RANBP2: variants seen among roughly 807,000 people sequenced by gnomAD.
The protein encoded by RANBP2 is RAN binding protein 2, also known as E3 SUMO-protein ligase RanBP2.
RANBP2 carries 57 observed loss-of-function variants against 303.6 expected under a neutral mutation model. The observed-to-expected ratio is 0.19, with a 90% CI of 0.15 to 0.23. RANBP2 has a LOEUF of 0.23. Among genes scored for constraint, RANBP2 ranks in the 10% least tolerant of loss-of-function variants. The probability of loss-of-function intolerance (pLI) is 1.00; values close to 1 mark genes in which losing one functional copy is unlikely to be tolerated. For missense variants in RANBP2, 3,138 were observed against 3,780.8 expected, an observed-to-expected ratio of 0.83 and a Z score of 4.46; for synonymous variants, 1,167 against 1,301.5, an observed-to-expected ratio of 0.90 and a Z score of 2.23.
At chr2:109,018,813 C>T in the RANBP2 span, among the ~76,000 whole-genome samples, 1 of 152,370 alleles carries the variant, frequency 6.6e-6, no homozygotes, top group East Asian at 1.9e-4. Context: ...TACAGCAACA[C>T]TTGTCCTACA....
chr2:109,054,036 A>G, the RANBP2 span, among the ~76,000 whole-genome samples: 1 of 152,120 alleles, frequency 6.6e-6, no homozygotes, highest in Non-Finnish European at 1.5e-5. Flanking sequence ...GGCGGAGGCC[A>G]CTGTACTACC....
chr2:109,455,703 C>A, the RANBP2 span, among the ~76,000 whole-genome samples: 1 of 152,198 alleles, frequency 6.6e-6, no homozygotes, highest in East Asian at 1.9e-4. Flanking sequence ...AGTGGAGGCA[C>A]CCTGCAATAG....
the RANBP2 span, among the ~76,000 whole-genome samples, chr2:109,327,573 A>G: frequency 6.6e-6 from 1 of 152,204 alleles, no homozygotes. Context: ...GTTGGGAGAA[A>G]ATTACAGCTT....
At chr2:109,568,679 CA>C in the RANBP2 span, among the ~76,000 whole-genome samples, 2 of 142,344 alleles carry the variant, frequency 1.4e-5, no homozygotes, top group Non-Finnish European at 3.1e-5. Context: ...TGCCTCAATT[CA>C]CTAAGAATTT....
At chr2:109,111,611 GT>G in the RANBP2 span, among the ~76,000 whole-genome samples, 16 of 147,508 alleles carry the variant, frequency 1.1e-4, no homozygotes, top group African/African-American at 3.0e-4. Context: ...TTTTTTTTAG[GT>G]TTTTTTTAAT....
At chr2:108,926,493 A>G in the RANBP2 span, among the ~76,000 whole-genome samples, 1 of 152,056 alleles carries the variant, frequency 6.6e-6, no homozygotes, top group Non-Finnish European at 1.5e-5. Flanking sequence ...CCAGATGTTC[A>G]TTTTCCTCCA....
chr2:109,499,842 G>A, the RANBP2 span, among the ~76,000 whole-genome samples: 3 of 152,266 alleles, frequency 2.0e-5, no homozygotes, highest in African/African-American at 7.2e-5. Flanking sequence ...GGTTTTAATC[G>A]GCAACATAAC....
the RANBP2 span, among the ~76,000 whole-genome samples, chr2:109,061,680 C>T: frequency 1.3e-5 from 2 of 152,052 alleles, no homozygotes; most frequent in African/African-American, 4.8e-5. Context: ...TCATAGTAGC[C>T]TTGGATGTTG....
At chr2:109,619,398 G>A in the RANBP2 span, among the ~76,000 whole-genome samples, 1 of 152,214 alleles carries the variant, frequency 6.6e-6, no homozygotes, top group South Asian at 2.1e-4. Flanking sequence ...ACCCAGGGCT[G>A]ACTTCAAGAC....
chr2:109,324,054 C>A, the RANBP2 span, among the ~76,000 whole-genome samples: 30 of 152,186 alleles, frequency 2.0e-4, no homozygotes, highest in African/African-American at 7.2e-4. Flanking sequence ...TGAATGGAAG[C>A]AGATAATATG....
the RANBP2 span, among the ~76,000 whole-genome samples, chr2:109,306,246 G>A: frequency 6.6e-6 from 1 of 152,228 alleles, no homozygotes. Context: ...GGAAGTGTCA[G>A]CAGTGGGGCC....
At chr2:109,651,913 A>G in the RANBP2 span, among the ~76,000 whole-genome samples, 1 of 152,202 alleles carries the variant, frequency 6.6e-6, no homozygotes, top group Non-Finnish European at 1.5e-5. Flanking sequence ...TGGCCCTAGC[A>G]ATGAGATGAA....
chr2:108,982,792 G>A, the RANBP2 span, among the ~76,000 whole-genome samples: 1 of 152,222 alleles, frequency 6.6e-6, no homozygotes, highest in African/African-American at 2.4e-5. Context: ...CTTTGGTTAC[G>A]TCTGCCCGTA....
At chr2:109,322,015 A>G in the RANBP2 span, among the ~76,000 whole-genome samples, 5 of 152,164 alleles carry the variant, frequency 3.3e-5, no homozygotes, top group African/African-American at 9.7e-5. Context: ...CAAGAAGTGG[A>G]TGGCTCTTTT....
the RANBP2 span, among the ~76,000 whole-genome samples, chr2:109,421,624 C>A: frequency 6.6e-6 from 1 of 152,190 alleles, no homozygotes; most frequent in Admixed American, 6.5e-5. Context: ...GTTGCTGTGA[C>A]CTCTAGCTCT....
chr2:109,424,661 T>C, the RANBP2 span, among the ~76,000 whole-genome samples: 1 of 152,216 alleles, frequency 6.6e-6, no homozygotes, highest in East Asian at 1.9e-4. Context: ...GTTACTGTTA[T>C]GGAGTTGTTT....
chr2:109,131,271 G>T, the RANBP2 span, among the ~76,000 whole-genome samples: 1 of 152,102 alleles, frequency 6.6e-6, no homozygotes, highest in Non-Finnish European at 1.5e-5. Flanking sequence ...TATGGATCAG[G>T]AAGAATGGGG....
At chr2:109,490,455 C>T in the RANBP2 span, 1 of 644,358 alleles carries the variant, frequency 1.6e-6, no homozygotes, top group Non-Finnish European at 2.4e-6. Flanking sequence ...CTGGCTACTG[C>T]TGTTGCTGTG....
At chr2:109,362,706 A>G in the RANBP2 span, among the ~76,000 whole-genome samples, 5 of 152,088 alleles carry the variant, frequency 3.3e-5, no homozygotes, top group Non-Finnish European at 7.4e-5. Context: ...GGATTCATCT[A>G]CTTCTCCTTC....
Sources: allele counts gnomAD v4.1 joint callset (sites outside exome capture counted in the v4.1 genomes callset), GRCh38; gene constraint gnomAD v4.1.1; transcripts MANE v1.5; gene names NCBI Gene and HGNC (gene_info 2026-07-23, HGNC 2026-07-21).